Variants in MAP3K7 observed in about 807,000 individuals in gnomAD.
MAP3K7 encodes mitogen-activated protein kinase kinase kinase 7.
In MAP3K7, 21 loss-of-function variants were observed where a neutral mutation model predicts 84.8. The observed-to-expected ratio is 0.25, with a 90% CI of 0.18 to 0.36. The LOEUF is 0.36. Ranked by LOEUF, MAP3K7 falls within the 10% of genes least tolerant of loss-of-function variation. MAP3K7 has a pLI of 1.00. For synonymous variants in MAP3K7, 241 were observed against 247.7 expected (o/e 0.97, Z 0.25); for missense variants, 503 against 747.7 (o/e 0.67, Z 3.82).
chr6:90,523,532 C>T (rs1775221843), intron 14 of MAP3K7, 146 bp downstream of exon 14: 7 of 477,942 alleles, frequency 1.5e-5, no homozygotes, highest in South Asian at 1.0e-4. Context: ...GGTATTTTAA[C>T]ATGTATTACT....
chr6:90,516,522 C>T lies in MAP3K7; in HGVS notation c.1800G>A (p.Gln600=). 6.2e-7 allele frequency: 1 copy of T among 1,611,978 alleles called. No individual in the cohort carries two copies. The highest frequency in any genetic ancestry group is 8.5e-7 in the Non-Finnish European group (1 of 1,178,886). The change falls in exon 17 of 17, where the codon CAG becomes CAA. Residue 600 remains glutamine, a synonymous_variant. Coordinates refer to ENST00000369329, the MANE Select transcript of MAP3K7 (RefSeq NM_145331.3). Reference sequence around the variant, plus strand: ...AGAATCATGAAGTGCCTTGTCGTTTCTGCTGCTGACTTCTGATGACCTCTA... The same window carrying T: ...AGAATCATGAAGTGCCTTGTCGTTTTTGCTGCTGACTTCTGATGACCTCTA... ...KQLEVIRSQQ[Q]KRQGTS is the part of the protein sequence containing the mutation.
chr6:90,540,614 GTA>G (rs886171736), intron 12 of MAP3K7, among the ~76,000 whole-genome samples: 6 of 151,892 alleles, frequency 4.0e-5, no homozygotes, highest in Admixed American at 6.6e-5. Context: ...AAGTATATAT[GTA>G]TATGACAGTA....
chr6:90,520,836 A>G (rs1262519020), intron 14 of MAP3K7, among the ~76,000 whole-genome samples: 1 of 152,074 alleles, frequency 6.6e-6, no homozygotes, highest in Non-Finnish European at 1.5e-5. Flanking sequence ...ACTGCTTTCC[A>G]CAAAACTAAA....
In MAP3K7 at chr6:90,523,880, T is replaced by C; in HGVS notation, c.1357-97A>G. 1.3e-5 allele frequency: 9 copies of C among 707,304 alleles called. No homozygotes were observed. In the South Asian group the frequency reaches 1.5e-4, roughly 11 times the overall value. 43.8% of individuals were successfully genotyped at this position (707,304 alleles called of 1,614,324 possible). On this transcript the variant is annotated intron_variant, in intron 13 of 16. Transcript: ENST00000369329. ...TAAAAGGCAAGAAGAGACTTAGAGA[T>C]CCCCCCAAAACTCTTGTAAACAACA... is the stretch of plus-strand genomic sequence containing the variant.
At position 90,527,866 on chromosome 6, in the gene MAP3K7, CTTTTTTTTTTT is replaced by C. The variant is rs991440454; in HGVS notation, c.1357-4094_1357-4084del. On this transcript the variant is annotated intron_variant, in intron 13 of 16. Transcript: ENST00000369329. ...GAAACTAAAATGGGTTTCATAAGGA[CTTTTTTTTTTT>C]TTTTTTTTTTTTTTTTTTTGAGACG... Among the ~76,000 whole-genome samples the C allele has an allele frequency of 3.1e-4, 14 of 44,646 alleles. 2 individuals are homozygous for C. Among genetic ancestry groups the C allele is most frequent in the African/African-American group, 1.1e-3 (8 of 7,050 alleles). The allele number at this position is 44,646 out of a possible 152,430, so 29.3% of individuals were successfully genotyped here.
intron 13 of MAP3K7, among the ~76,000 whole-genome samples, chr6:90,533,493 G>A (rs573708950): frequency 9.6e-4 from 146 of 152,268 alleles, no homozygotes; most frequent in Non-Finnish European, 1.7e-3. Flanking sequence ...CAGATTGGCC[G>A]CTGTCAGAAA....
intron 13 of MAP3K7, among the ~76,000 whole-genome samples, chr6:90,524,256 T>C (rs1225899814): frequency 6.6e-6 from 1 of 152,086 alleles, no homozygotes; most frequent in African/African-American, 2.4e-5. Context: ...AAATCTGACC[T>C]ACAAAAGCAG....
intron 3 of MAP3K7, among the ~76,000 whole-genome samples, chr6:90,567,088 T>A (rs1454460871): frequency 6.6e-6 from 1 of 152,116 alleles, no homozygotes; most frequent in Non-Finnish European, 1.5e-5. Flanking sequence ...ACTTAAATGT[T>A]AGACCTAAAA....
At chr6:90,524,303 C>T (rs577991568) in intron 13 of MAP3K7, among the ~76,000 whole-genome samples, 1 of 152,234 alleles carries the variant, frequency 6.6e-6, no homozygotes, top group Admixed American at 6.5e-5. Context: ...GTTAGTGGCT[C>T]TGGGTGGAAG....
intron 13 of MAP3K7, 64 bp downstream of exon 13, chr6:90,536,273 T>C (rs1775674093): frequency 7.5e-7 from 1 of 1,331,474 alleles, no homozygotes; most frequent in African/African-American, 1.4e-5. Flanking sequence ...CAGAGTAGAA[T>C]ACAGTTAATT....
At chr6:90,527,084 C>T (rs1775345352) in intron 13 of MAP3K7, among the ~76,000 whole-genome samples, 1 of 152,122 alleles carries the variant, frequency 6.6e-6, no homozygotes, top group South Asian at 2.1e-4. Context: ...TTGCAAATGA[C>T]TGCAAAGGTC....
rs189051382 is a variant in MAP3K7 at position 90,567,969 on chromosome 6, A to C, written c.297+589T>G. Among the ~76,000 whole-genome samples the C allele has an allele frequency of 3.9e-4, 59 of 152,338 alleles. 1 individual carries two copies. The East Asian group carries it at 8.7e-3, about 22-fold the overall frequency. ...TGAGCAAACTATTGCAAGGACAGAA[A>C]ACCAAACACCACATGTTCTCACTCA... On this transcript the variant is annotated intron_variant, in intron 3 of 16. Transcript: ENST00000369329.
intron 12 of MAP3K7, 68 bp downstream of exon 12, chr6:90,544,484 T>G: frequency 1.4e-6 from 2 of 1,403,082 alleles, no homozygotes; most frequent in Non-Finnish European, 2.0e-6. Context: ...CAAGAAGCAT[T>G]TTACAAGTAC....
At chr6:90,531,724 G>A (rs1030102740) in intron 13 of MAP3K7, among the ~76,000 whole-genome samples, 4 of 152,020 alleles carry the variant, frequency 2.6e-5, no homozygotes, top group African/African-American at 7.2e-5. Context: ...AGGCTGAGGC[G>A]GGCAGATCGC....
rs369516695 is a variant in MAP3K7 at position 90,578,186 on chromosome 6, CA to C, written c.121-6380del. ...AAAAGAGGAATGACTCATAATTAAA[CA>C]GTAGTTTATAGAAAAATAGTTACAT... On this transcript the variant is annotated intron_variant, in intron 1 of 16. Transcript: ENST00000369329. Among the ~76,000 whole-genome samples the C allele has an allele frequency of 3.8e-3, 575 of 152,288 alleles. 3 individuals carry two copies. The highest frequency in any genetic ancestry group is 5.9e-3 in the Non-Finnish European group (404 of 68,020).
At chr6:90,583,424 G>A (rs1777344380) in intron 1 of MAP3K7, among the ~76,000 whole-genome samples, 1 of 152,086 alleles carries the variant, frequency 6.6e-6, no homozygotes, top group Non-Finnish European at 1.5e-5. Context: ...TTAGGCATGC[G>A]GCTTCTGGCA....
At chr6:90,559,385 G>T (rs537070816) in intron 5 of MAP3K7, among the ~76,000 whole-genome samples, 4 of 15,366 alleles carry the variant, frequency 2.6e-4, no homozygotes, top group Non-Finnish European at 5.1e-4. Context: ...TGGGAGCTTG[G>T]GGGGAGGGTA....
At chr6:90,525,159 A>G (rs1562079274) in intron 13 of MAP3K7, among the ~76,000 whole-genome samples, 1 of 152,146 alleles carries the variant, frequency 6.6e-6, no homozygotes, top group South Asian at 2.1e-4. Context: ...TATAAGAGAC[A>G]TATCTAATTT....
rs1229630619 is a variant in MAP3K7, at chr6:90,547,461, G to A, written c.1081-74C>T. Reference sequence around the variant, plus strand: ...GCAATCTTAGGCAACCTAAAAGGAGGAAGATGGCAAATGGGATTCTGATAG... The same window carrying A: ...GCAATCTTAGGCAACCTAAAAGGAGAAAGATGGCAAATGGGATTCTGATAG... On this transcript the variant is annotated intron_variant, in intron 10 of 16. Transcript: ENST00000369329. 5 of 1,514,240 alleles carry A rather than the reference G, an allele frequency of 3.3e-6. No homozygotes were observed. In the African/African-American group the frequency reaches 7.0e-5, roughly 21 times the overall value. The allele number at this position is 1,514,240 out of a possible 1,614,324, so 93.8% of individuals were successfully genotyped here.
Sources: gnomAD v4.1 joint callset for allele counts (sites outside exome capture counted in the v4.1 genomes callset) on GRCh38, gnomAD v4.1.1 for gene constraint, MANE v1.5 for transcripts, NCBI Gene and HGNC (gene_info 2026-07-23, HGNC 2026-07-21) for gene names.